Variants in PRKCE observed in about 807,000 individuals in gnomAD.
The protein encoded by PRKCE is protein kinase C epsilon type.
Under a neutral mutation model 85.4 loss-of-function variants are expected in PRKCE, and 16 were observed. The observed-to-expected ratio is 0.19, with a 90% CI of 0.13 to 0.28. The LOEUF is 0.28. PRKCE is among the 10% of genes least tolerant of loss of function. The pLI is 1.00. For synonymous variants in PRKCE, 388 were observed against 371.5 expected (o/e 1.04, Z -0.51); for missense variants, 573 against 975.2 (o/e 0.59, Z 5.49).
intron 10 of PRKCE, among the ~76,000 whole-genome samples, chr2:46,017,215 A>G (rs1574240323): frequency 6.6e-6 from 1 of 152,018 alleles, no homozygotes; most frequent in African/African-American, 2.4e-5. Flanking sequence ...GTACCTTCCT[A>G]TTCCCTCTCC....
intron 1 of PRKCE, among the ~76,000 whole-genome samples, chr2:45,749,956 G>C (rs369810147): frequency 3.3e-5 from 5 of 152,118 alleles, no homozygotes; most frequent in East Asian, 1.9e-4. Context: ...AGGCCTTTTG[G>C]GGGGAGAACA....
At chr2:46,122,383 A>C (rs1673398648) in intron 11 of PRKCE, among the ~76,000 whole-genome samples, 1 of 152,082 alleles carries the variant, frequency 6.6e-6, no homozygotes, top group Non-Finnish European at 1.5e-5. Flanking sequence ...GGTGCATGCC[A>C]CTATGCCCAG....
rs532817562 is a variant in PRKCE at position 45,697,014 on chromosome 2, C to T, written c.348+44566C>T. 3.3e-5 allele frequency among the ~76,000 whole-genome samples: 5 copies of T among 152,314 alleles called. No individual in the cohort carries two copies. Among genetic ancestry groups the T allele is most frequent in the Non-Finnish European group, 7.4e-5 (5 of 68,016 alleles). On this transcript the variant is annotated intron_variant, in intron 1 of 14. Coordinates refer to ENST00000306156, the MANE Select transcript of PRKCE (RefSeq NM_005400.3). This position sits in a 1 kb window ranked among gnomAD's most constrained non-coding sequence, Gnocchi z 4.2. ...TCCCCCTTGGCTTTTGTACTTGCCA[C>T]CAAGGCCCATGTTTGGTGCAGAGCT...
intron 10 of PRKCE, among the ~76,000 whole-genome samples, chr2:46,042,288 C>T (rs921182): frequency 0.012 from 1,800 of 152,248 alleles, 21 homozygotes; most frequent in South Asian, 0.053. Flanking sequence ...TTCACTCTTT[C>T]CCCCAGCGTC....
At chr2:45,925,575 C>CA (rs1558841778) in intron 2 of PRKCE, among the ~76,000 whole-genome samples, 1 of 152,174 alleles carries the variant, frequency 6.6e-6, no homozygotes, top group Non-Finnish European at 1.5e-5. Context: ...GGATTACAGG[C>CA]GTGAACCACC....
chr2:46,029,256 G>A (rs1403288696), intron 10 of PRKCE, among the ~76,000 whole-genome samples: 1 of 152,196 alleles, frequency 6.6e-6, no homozygotes, highest in Non-Finnish European at 1.5e-5. Context: ...ACATAGTTAA[G>A]AAGTGGTAGA....
At chr2:46,154,110 C>T (rs970445048) in intron 13 of PRKCE, among the ~76,000 whole-genome samples, 14 of 152,122 alleles carry the variant, frequency 9.2e-5, no homozygotes, top group African/African-American at 2.4e-4. Context: ...TCTTATGCCA[C>T]GAGAGCTTCC....
intron 11 of PRKCE, among the ~76,000 whole-genome samples, chr2:46,092,335 AT>A (rs200497231): frequency 0.01 from 1,592 of 152,300 alleles, 32 homozygotes; most frequent in African/African-American, 0.036. Context: ...TCCTCCTTAG[AT>A]TCTCCAAGCC....
rs1020785591 is a variant in PRKCE at position 45,700,899 on chromosome 2, G to A, written c.348+48451G>A. Among the ~76,000 whole-genome samples, 19 of 152,150 alleles carry A rather than the reference G, an allele frequency of 1.2e-4. No homozygotes were observed. The South Asian group carries it at 1.7e-3, about 13-fold the overall frequency. ...ACACAGAGATAGGAGCTGTGCTCCC[G>A]TAAACCAAGGAATGCCTGGGGCTCC... On this transcript the variant is annotated intron_variant, in intron 1 of 14. Transcript: ENST00000306156.
At position 46,159,949 on chromosome 2, in the gene PRKCE, T is replaced by C. The variant is rs1470867516; in HGVS notation, c.2067+197T>C. 7.1e-6 allele frequency: 4 copies of C among 563,708 alleles called. No individual in the cohort carries two copies. Among genetic ancestry groups the C allele is most frequent in the African/African-American group, 2.0e-5 (1 of 50,722 alleles). 34.9% of individuals were successfully genotyped at this position (563,708 alleles called of 1,614,324 possible). A position where few individuals can be genotyped will look rare whatever the true frequency, so the allele number is the denominator to read the frequency against. On this transcript the variant is annotated intron_variant, in intron 14 of 14. Transcript: ENST00000306156. This position sits in a 1 kb window ranked among gnomAD's most constrained non-coding sequence, Gnocchi z 4.1. ...TTACTATTGAAAACATGTAACCTAC[T>C]ACAGCAGCACCCAAGATGATGATTT...
chr2:45,669,732 C>T (rs1408062909), intron 1 of PRKCE, among the ~76,000 whole-genome samples: 5 of 152,128 alleles, frequency 3.3e-5, no homozygotes, highest in East Asian at 1.9e-4. Flanking sequence ...GTATATCGGC[C>T]GGGCATGGTG....
chr2:46,086,184 TG>T (rs1558438158), intron 10 of PRKCE, 23 bp from the exon 11 acceptor site: 1 of 1,598,138 alleles, frequency 6.3e-7, no homozygotes, highest in Non-Finnish European at 8.5e-7. Context: ...ATGACCCAAA[TG>T]GCATTTTCTT....
chr2:45,805,687 C>T (rs1222563321), intron 1 of PRKCE, among the ~76,000 whole-genome samples: 3 of 151,818 alleles, frequency 2.0e-5, no homozygotes, highest in African/African-American at 7.3e-5. Context: ...ACCTCCGCCT[C>T]CCGGGTTAAA....
At chr2:45,972,330 G>A (rs1309885940) in intron 2 of PRKCE, among the ~76,000 whole-genome samples, 10 of 152,174 alleles carry the variant, frequency 6.6e-5, no homozygotes, top group Non-Finnish European at 1.5e-5. Context: ...TTTTGCCATT[G>A]AATTGTGGGA....
intron 10 of PRKCE, among the ~76,000 whole-genome samples, chr2:46,053,921 A>AT (rs1666308045): frequency 6.6e-6 from 1 of 151,968 alleles, no homozygotes; most frequent in African/African-American, 2.4e-5. Context: ...TCTCCTTTTA[A>AT]TTTTTTTAGG....
intron 10 of PRKCE, among the ~76,000 whole-genome samples, chr2:46,064,854 C>T (rs1667474848): frequency 6.6e-6 from 1 of 152,120 alleles, no homozygotes; most frequent in African/African-American, 2.4e-5. Flanking sequence ...TGGAATGTAT[C>T]GTCCTTTCAT....
intron 2 of PRKCE, among the ~76,000 whole-genome samples, chr2:45,872,971 C>T (rs961644325): frequency 1.3e-5 from 2 of 152,096 alleles, no homozygotes; most frequent in African/African-American, 2.4e-5. Flanking sequence ...GGCTGCCTGG[C>T]ACAAATCCAG....
intron 10 of PRKCE, among the ~76,000 whole-genome samples, chr2:46,026,975 C>G (rs540762828): frequency 6.6e-6 from 1 of 152,210 alleles, no homozygotes; most frequent in East Asian, 1.9e-4. Flanking sequence ...TGCTTGAGCC[C>G]TGGGAACATA....
chr2:46,071,272 T>G (rs2103734506), intron 10 of PRKCE, among the ~76,000 whole-genome samples: 1 of 152,338 alleles, frequency 6.6e-6, no homozygotes, highest in Middle Eastern at 3.4e-3. Flanking sequence ...TCTATAAATA[T>G]GTACTAGTCA....
Sources: allele counts gnomAD v4.1 joint callset (sites outside exome capture counted in the v4.1 genomes callset), GRCh38; gene constraint gnomAD v4.1.1; non-coding constraint Gnocchi (gnomAD v3.1); transcripts MANE v1.5; gene names NCBI Gene and HGNC (gene_info 2026-07-23, HGNC 2026-07-21).